The following MTUS2 variants were observed in gnomAD, a reference collection of about 807,000 sequenced individuals.
The protein encoded by MTUS2 is microtubule-associated tumor suppressor candidate 2.
MTUS2 carries 40 observed loss-of-function variants against 114.1 expected under a neutral mutation model. The observed-to-expected ratio is 0.35, with a 90% CI of 0.27 to 0.46. The LOEUF is 0.46. MTUS2 is among the 20% of genes least tolerant of loss of function. The pLI, the probability that MTUS2 is intolerant of heterozygous loss-of-function variation, is 1.00. For missense variants in MTUS2, 1,679 were observed against 1,705.4 expected, an observed-to-expected ratio of 0.98 and a Z score of 0.27; for synonymous variants, 688 against 672.0, an observed-to-expected ratio of 1.02 and a Z score of -0.37.
intron 2 of MTUS2, among the ~76,000 whole-genome samples, chr13:28,982,353 A>G (rs545354746): frequency 1.7e-4 from 26 of 152,186 alleles, no homozygotes; most frequent in African/African-American, 6.0e-4. Context: ...ATTTAAAAAA[A>G]AAAAAGAAAA....
At chr13:29,020,239 C>G (rs181589063) in intron 2 of MTUS2, among the ~76,000 whole-genome samples, 1 of 152,214 alleles carries the variant, frequency 6.6e-6, no homozygotes, top group Non-Finnish European at 1.5e-5. Flanking sequence ...AATAATAGAT[C>G]TGAGGCATAT....
chr13:29,216,444 G>A (rs1895686146), intron 5 of MTUS2, among the ~76,000 whole-genome samples: 4 of 152,318 alleles, frequency 2.6e-5, no homozygotes, highest in African/African-American at 9.6e-5. Context: ...CCCGCAGCTA[G>A]CTCGGTGTCT....
intron 8 of MTUS2, among the ~76,000 whole-genome samples, chr13:29,389,351 G>GCAAA (rs1872922115): frequency 1.6e-5 from 1 of 61,034 alleles, no homozygotes; most frequent in African/African-American, 8.4e-5. Flanking sequence ...GCACGTGTGT[G>GCAAA]TATATATGTA....
intron 5 of MTUS2, among the ~76,000 whole-genome samples, chr13:29,158,358 C>CCCCCCCGTTTT: frequency 3.1e-5 from 1 of 32,048 alleles, no homozygotes; most frequent in Non-Finnish European, 5.1e-5. Context: ...GTCCACCCCG[C>CCCCCCCGTTTT]TTTTTTTTTT....
chr13:29,486,818 C>A (rs1208814284), intron 10 of MTUS2, among the ~76,000 whole-genome samples: 1 of 152,132 alleles, frequency 6.6e-6, no homozygotes, highest in Non-Finnish European at 1.5e-5. Context: ...GTGATTTTTA[C>A]AGTGGATCAC....
chr13:28,996,470 A>G (rs923940994), intron 2 of MTUS2, among the ~76,000 whole-genome samples: 1 of 152,190 alleles, frequency 6.6e-6, no homozygotes, highest in African/African-American at 2.4e-5. Flanking sequence ...TTCAGAAGGA[A>G]TGGTAGCAGC....
intron 7 of MTUS2, among the ~76,000 whole-genome samples, chr13:29,355,551 G>A (rs995642577): frequency 7.2e-5 from 11 of 152,214 alleles, no homozygotes; most frequent in African/African-American, 2.4e-4. Context: ...GCCAGGCCTG[G>A]CCAGGCTCCT....
chr13:28,864,774 T>C, intron 2 of MTUS2, among the ~76,000 whole-genome samples: 1 of 152,178 alleles, frequency 6.6e-6, no homozygotes, highest in East Asian at 1.9e-4. Flanking sequence ...AAATTGGGTG[T>C]TTTCCCAGAG....
At chr13:28,975,622 C>T (rs1884059639) in intron 2 of MTUS2, among the ~76,000 whole-genome samples, 1 of 152,190 alleles carries the variant, frequency 6.6e-6, no homozygotes, top group African/African-American at 2.4e-5. Flanking sequence ...GACATAATAA[C>T]ATCTGTTGAG....
chr13:29,152,398 CA>C (rs1327832614), intron 5 of MTUS2, among the ~76,000 whole-genome samples: 3 of 152,120 alleles, frequency 2.0e-5, no homozygotes, highest in Non-Finnish European at 2.9e-5. Context: ...TGCTGAATAA[CA>C]AGTTATCCCA....
At chr13:29,190,727 A>G (rs1312889108) in intron 5 of MTUS2, among the ~76,000 whole-genome samples, 1 of 152,200 alleles carries the variant, frequency 6.6e-6, no homozygotes. Context: ...AGAGCATTGC[A>G]TATATATAAC....
chr13:29,480,168 G>T lies in MTUS2; in HGVS notation c.3203G>T (p.Cys1068Phe). 1 of 1,554,522 alleles carries T rather than the reference G, an allele frequency of 6.4e-7. No individual in the cohort carries two copies. The highest frequency in any genetic ancestry group is 8.7e-7 in the Non-Finnish European group (1 of 1,148,514). ...CGCCCAGCCTTCCATACAGCAAAGT[G>T]CGAGAAACTACAAAAGGAGAAGGAG... ...RDEVAFHTAK[C>F]EKLQKEKEEL... The change falls in exon 10 of 16, where the codon TGC (cysteine) becomes TTC (phenylalanine). Residue 1068 changes from cysteine (C) to phenylalanine (F), a missense_variant. Physicochemically the swap from Cys to Phe is radical, Grantham distance 205 (BLOSUM62 -2). This residue lies in a region of MTUS2 where 822 missense variants were observed against 899.7 expected (regional missense o/e 0.91). Coordinates refer to ENST00000612955, the MANE Select transcript of MTUS2 (RefSeq NM_001033602.4). This position sits in a 1 kb window ranked among gnomAD's most constrained non-coding sequence, Gnocchi z 4.4.
chr13:28,877,646 T>G (rs866515938), intron 2 of MTUS2, among the ~76,000 whole-genome samples: 2 of 152,328 alleles, frequency 1.3e-5, no homozygotes, highest in Non-Finnish European at 2.9e-5. Context: ...TTACTATAAA[T>G]CCTGTGACTA....
At chr13:29,448,189 C>A (rs773646899) in intron 9 of MTUS2, among the ~76,000 whole-genome samples, 1 of 152,176 alleles carries the variant, frequency 6.6e-6, no homozygotes, top group Non-Finnish European at 1.5e-5. Context: ...CTCCACCAGA[C>A]AGAAAACATG....
intron 4 of MTUS2, among the ~76,000 whole-genome samples, chr13:29,088,058 CAAAAAAAAA>C (rs57654117): frequency 1.5e-5 from 2 of 135,542 alleles, no homozygotes; most frequent in Non-Finnish European, 1.5e-5. Context: ...GACTCCGTCT[CAAAAAAAAA>C]AAAAAAAAAA....
chr13:29,089,420 G>A (rs1351256064), intron 4 of MTUS2, among the ~76,000 whole-genome samples: 1 of 152,158 alleles, frequency 6.6e-6, no homozygotes, highest in African/African-American at 2.4e-5. Flanking sequence ...AGAATCTGAT[G>A]ACTATGTGCT....
chr13:29,180,174 G>A (rs1047757117), intron 5 of MTUS2, among the ~76,000 whole-genome samples: 4 of 152,176 alleles, frequency 2.6e-5, no homozygotes, highest in Non-Finnish European at 5.9e-5. Flanking sequence ...GTTAGAGAGG[G>A]AAGGTATTCC....
intron 7 of MTUS2, among the ~76,000 whole-genome samples, chr13:29,331,467 A>G (rs1667075428): frequency 6.6e-6 from 1 of 152,118 alleles, no homozygotes; most frequent in Non-Finnish European, 1.5e-5. Flanking sequence ...AATACTTCCA[A>G]ATTTCATATG....
chr13:29,237,031 G>C (rs538981746), intron 5 of MTUS2, among the ~76,000 whole-genome samples: 12 of 152,270 alleles, frequency 7.9e-5, no homozygotes, highest in African/African-American at 2.6e-4. Flanking sequence ...GTTATTTTCT[G>C]CAGTTGTGGT....
Sources: allele counts gnomAD v4.1 joint callset (sites outside exome capture counted in the v4.1 genomes callset), GRCh38; gene constraint gnomAD v4.1.1; regional missense constraint gnomAD v4.1.1; non-coding constraint Gnocchi (gnomAD v3.1); transcripts MANE v1.5; gene names NCBI Gene and HGNC (gene_info 2026-07-23, HGNC 2026-07-21).